Variants in LUC7L observed in about 807,000 individuals in gnomAD.
LUC7L encodes the protein LUC7 like.
LUC7L carries 29 observed loss-of-function variants against 51.1 expected under a neutral mutation model. The ratio of observed to expected loss-of-function variants is 0.57; its 90% CI spans 0.42 to 0.77. The LOEUF (loss-of-function observed/expected upper bound fraction) is 0.77, where lower values mean the gene tolerates loss of function less well. Among genes scored for constraint, LUC7L ranks in the 30% least tolerant of loss-of-function variants. LUC7L has a pLI of 0.00. For missense variants in LUC7L, 403 were observed against 511.9 expected, an observed-to-expected ratio of 0.79 and a Z score of 2.05; for synonymous variants, 181 against 180.7, an observed-to-expected ratio of 1.00 and a Z score of -0.01.
intron 6 of LUC7L, among the ~76,000 whole-genome samples, chr16:197,540 T>C (rs961733620): frequency 6.6e-6 from 1 of 152,130 alleles, no homozygotes; most frequent in African/African-American, 2.4e-5. Context: ...CCTATAAACT[T>C]ATAAAGAAAA....
intron 6 of LUC7L, among the ~76,000 whole-genome samples, chr16:198,480 C>T (rs530875350): frequency 1.3e-4 from 20 of 152,022 alleles, no homozygotes; most frequent in African/African-American, 4.8e-4. Flanking sequence ...TTTCTCATCT[C>T]CTAACAGAAG....
At chr16:226,896 G>A (rs570734910) in intron 2 of LUC7L, among the ~76,000 whole-genome samples, 4 of 152,128 alleles carry the variant, frequency 2.6e-5, no homozygotes, top group Admixed American at 1.3e-4. Context: ...AGGGCATCAG[G>A]GATTTCTGCC....
intron 5 of LUC7L, among the ~76,000 whole-genome samples, chr16:200,203 A>T (rs1417499445): frequency 2.6e-5 from 4 of 151,902 alleles, no homozygotes; most frequent in Admixed American, 6.6e-5. Flanking sequence ...CAGGCGAATC[A>T]TGGGGTCAGG....
intron 3 of LUC7L, among the ~76,000 whole-genome samples, chr16:214,017 G>A (rs753708045): frequency 6.7e-5 from 10 of 148,774 alleles, no homozygotes; most frequent in Non-Finnish European, 1.3e-4. Flanking sequence ...CCTGGCTTGA[G>A]TTGAAATCGT....
intron 2 of LUC7L, among the ~76,000 whole-genome samples, chr16:223,534 G>C (rs2050036243): frequency 6.6e-6 from 1 of 152,104 alleles, no homozygotes; most frequent in Non-Finnish European, 1.5e-5. Flanking sequence ...TTCTTACTCT[G>C]AAGTCAGATG....
At position 220,751 on chromosome 16, in the gene LUC7L, T is replaced by C. The variant is rs112337163; in HGVS notation, c.157-4A>G. 18 of 1,610,198 alleles carry C rather than the reference T, an allele frequency of 1.1e-5. No homozygotes were observed. In the African/African-American group the frequency reaches 1.2e-4, roughly 11 times the overall value. On this transcript the variant is annotated splice_polypyrimidine_tract_variant and splice_region_variant and intron_variant, in intron 2 of 9. Transcript: ENST00000293872. Reference sequence around the variant, plus strand: ...TACATTCTCCTAAATCCATGCGCTGTGGGAAAGAAACAGAAAATGCAGACC... The same window carrying C: ...TACATTCTCCTAAATCCATGCGCTGCGGGAAAGAAACAGAAAATGCAGACC...
At chr16:208,469 G>C (rs2049548937) in intron 3 of LUC7L, 1 of 424,986 alleles carries the variant, frequency 2.4e-6, no homozygotes, top group South Asian at 3.7e-5. Flanking sequence ...ACATTACAAA[G>C]AAATTCTGAG....
chr16:215,687 C>T (rs2049775832), intron 3 of LUC7L, among the ~76,000 whole-genome samples: 1 of 151,736 alleles, frequency 6.6e-6, no homozygotes, highest in Admixed American at 6.6e-5. Flanking sequence ...CCTGTAGTCC[C>T]AGCTACTCAG....
intron 3 of LUC7L, among the ~76,000 whole-genome samples, chr16:217,492 C>T (rs990558320): frequency 6.0e-5 from 9 of 149,774 alleles, no homozygotes; most frequent in Non-Finnish European, 1.0e-4. Context: ...GGATCACCTG[C>T]GGTCAGGAGT....
chr16:189,174 A>G lies in LUC7L; in HGVS notation c.*24T>C, dbSNP rs375508494. 1 of 1,603,626 alleles carries G rather than the reference A, an allele frequency of 6.2e-7. No homozygotes were observed. The highest frequency in any genetic ancestry group is 8.5e-7 in the Non-Finnish European group (1 of 1,173,188). On this transcript the variant is annotated 3_prime_UTR_variant, in exon 10 of 10. Transcript: ENST00000293872. Reference sequence around the variant, plus strand: ...AGACTGTGTGAACGTTTATCAGACTATTTACAGCACCCGGGAGACGGGTTC... The same window carrying G: ...AGACTGTGTGAACGTTTATCAGACTGTTTACAGCACCCGGGAGACGGGTTC...
chr16:218,977 T>C (rs1207353632), intron 3 of LUC7L, among the ~76,000 whole-genome samples: 1 of 134,364 alleles, frequency 7.4e-6, no homozygotes, highest in Non-Finnish European at 1.6e-5. Context: ...CACACACCTA[T>C]ACCCGCAGCT....
intron 3 of LUC7L, among the ~76,000 whole-genome samples, chr16:217,976 G>C (rs1052085627): frequency 1.4e-5 from 2 of 147,612 alleles, no homozygotes; most frequent in African/African-American, 2.5e-5. Context: ...AGTGAGCCGA[G>C]ATCATGCCAC....
At position 217,407 on chromosome 16, in the gene LUC7L, C is replaced by A. The variant is rs146610779; in HGVS notation, c.255+3242G>T. ...AATATATACACCTATTATGTAGCCA[C>A]AACAAATTTTTTAAATAGGCTGGGC... is the stretch of plus-strand genomic sequence containing the variant. On this transcript the variant is annotated intron_variant, in intron 3 of 9. Transcript: ENST00000293872. Among the ~76,000 whole-genome samples, 28 of 152,108 alleles carry A rather than the reference C, an allele frequency of 1.8e-4. No homozygotes were observed. In the East Asian group the frequency reaches 5.0e-3, roughly 27 times the overall value.
Position 201,357 on chromosome 16 carries a change from A to T in LUC7L, c.511-2119T>A, listed in dbSNP as rs140636486. ...TTGAAACCTTAAATGCCACCTTCTA[A>T]CATCTTTCAAAATAAACTCTGATTA... On this transcript the variant is annotated intron_variant, in intron 5 of 9. Coordinates refer to ENST00000293872, the MANE Select transcript of LUC7L (RefSeq NM_201412.3). 2.3e-3 allele frequency among the ~76,000 whole-genome samples: 345 copies of T among 152,202 alleles called. 1 individual carries two copies. The highest frequency in any genetic ancestry group is 7.9e-3 in the African/African-American group (329 of 41,556).
chr16:216,867 G>A (rs1047473583), intron 3 of LUC7L, among the ~76,000 whole-genome samples: 1 of 151,658 alleles, frequency 6.6e-6, no homozygotes, highest in African/African-American at 2.4e-5. Flanking sequence ...GCTAACTCTG[G>A]CATTTTTTTG....
At chr16:192,691 C>G (rs1415989009) in intron 7 of LUC7L, among the ~76,000 whole-genome samples, 2 of 152,024 alleles carry the variant, frequency 1.3e-5, no homozygotes, top group African/African-American at 4.8e-5. Context: ...TTAGTAGAGA[C>G]AAGGTTTCAC....
Position 206,033 on chromosome 16 carries a change from T to C in LUC7L, c.481A>G (p.Lys161Glu), listed in dbSNP as rs2049473884. 1 of 1,613,282 alleles carries C rather than the reference T, an allele frequency of 6.2e-7. No individual in the cohort carries two copies. Among genetic ancestry groups the C allele is most frequent in the Non-Finnish European group, 8.5e-7 (1 of 1,179,862 alleles). Residue 161 changes from lysine (K) to glutamate (E), a missense_variant, in exon 5 of 10, where the codon AAA (lysine) becomes GAA (glutamate). By Grantham distance (56) the Lys-to-Glu change is moderately conservative. Coordinates refer to ENST00000293872, the MANE Select transcript of LUC7L (RefSeq NM_201412.3). ...ESQKILMEVEKVRAKKKEAEE... is the reference protein window; with the variant it reads ...ESQKILMEVEEVRAKKKEAEE... ...GCTTCTTTTTTCTTCGCACGAACTT[T>C]TTCCACTTCCATAAGAATCTTCTGG...
chr16:216,174 A>G (rs1227622237), intron 3 of LUC7L, among the ~76,000 whole-genome samples: 1 of 149,158 alleles, frequency 6.7e-6, no homozygotes, highest in Admixed American at 6.7e-5. Flanking sequence ...GCTAATTTTC[A>G]ATTTTTAATA....
intron 1 of LUC7L, chr16:228,900 CG>C (rs1567197390): frequency 7.5e-7 from 1 of 1,340,610 alleles, no homozygotes; most frequent in Admixed American, 2.2e-5. Flanking sequence ...CAAGGAGCCT[CG>C]GAAGAGTTCT....
Sources: gnomAD v4.1 joint callset for allele counts (sites outside exome capture counted in the v4.1 genomes callset) on GRCh38, gnomAD v4.1.1 for gene constraint, MANE v1.5 for transcripts, NCBI Gene and HGNC (gene_info 2026-07-23, HGNC 2026-07-21) for gene names.